The following RAD54L variants were observed in gnomAD, a reference collection of about 807,000 sequenced individuals.
The protein encoded by RAD54L is DNA repair and recombination protein RAD54-like.
In RAD54L, 74 loss-of-function variants were observed where a neutral mutation model predicts 91.6. That is an observed-to-expected ratio of 0.81 (90% CI 0.67 to 0.98). The LOEUF (loss-of-function observed/expected upper bound fraction) is 0.98, where lower values mean the gene tolerates loss of function less well. Ranked by LOEUF, RAD54L falls within the 50% of genes least tolerant of loss-of-function variation. The pLI is 0.00. For synonymous variants in RAD54L, 304 were observed against 349.7 expected, an observed-to-expected ratio of 0.87 and a Z score of 1.46; for missense variants, 887 against 945.7, an observed-to-expected ratio of 0.94 and a Z score of 0.81.
chr1:46,260,634 A>G, intron 6 of RAD54L, 23 bp downstream of exon 6: 9 of 1,613,824 alleles, frequency 5.6e-6, no homozygotes, highest in Non-Finnish European at 7.6e-6. Flanking sequence ...GAGGGGAACG[A>G]GGTATGGGCT....
chr1:46,266,506 T>C (rs942989918), intron 8 of RAD54L, among the ~76,000 whole-genome samples: 4 of 152,196 alleles, frequency 2.6e-5, no homozygotes, highest in Admixed American at 2.6e-4. Flanking sequence ...AGGTTGTCCT[T>C]TATGATTTTC....
intron 9 of RAD54L, among the ~76,000 whole-genome samples, chr1:46,269,014 A>G (rs764574515): frequency 3.9e-5 from 6 of 152,044 alleles, no homozygotes; most frequent in Non-Finnish European, 8.8e-5. Flanking sequence ...ATTCTCTTGT[A>G]TCAGCCTCCC....
intron 4 of RAD54L, among the ~76,000 whole-genome samples, chr1:46,258,964 G>T (rs958836691): frequency 1.3e-5 from 2 of 152,136 alleles, no homozygotes; most frequent in African/African-American, 4.8e-5. Context: ...CTTGGTAGAG[G>T]TGTCCCGGTG....
chr1:46,272,635 G>A (rs28363236), intron 11 of RAD54L, 37 bp from the exon 12 acceptor site: 3 of 1,614,010 alleles, frequency 1.9e-6, no homozygotes, highest in South Asian at 1.1e-5. Context: ...CAGGAGGGTG[G>A]TCTAGCTTTT....
rs1268776792 is a variant in RAD54L at position 46,248,079 on chromosome 1, C to G, written c.-327C>G. 1 of 393,564 alleles carries G rather than the reference C, an allele frequency of 2.5e-6. No homozygotes were observed. The highest frequency in any genetic ancestry group is 4.8e-6 in the Non-Finnish European group (1 of 209,408). 24.4% of individuals were successfully genotyped at this position (393,564 alleles called of 1,614,324 possible). On this transcript the variant is annotated 5_prime_UTR_variant, in exon 1 of 18. Transcript: ENST00000371975. Reference sequence around the variant, plus strand: ...CAACTACCTCCTCCCTTCACCCGGACTGGGACCATCATCCCCACTCCACTC... The same window carrying G: ...CAACTACCTCCTCCCTTCACCCGGAGTGGGACCATCATCCCCACTCCACTC...
chr1:46,277,937 C>T lies in RAD54L; in HGVS notation c.1990C>T (p.Leu664=), dbSNP rs1258357444. Residue 664 remains leucine (L), a synonymous_variant, in exon 17 of 18, where the codon CTG becomes TTG. Transcript: ENST00000371975. ...RHFSLGELKE[L]FILDEASLSD... is the part of the protein sequence containing the mutation. ...CTTCTCTCTGGGCGAGTTGAAGGAG[C>T]TGTTTATCCTGGATGAAGCTAGCCT... The T allele has an allele frequency of 6.2e-7, 1 of 1,614,012 alleles. No homozygotes were observed. Among genetic ancestry groups the T allele is most frequent in the Non-Finnish European group, 8.5e-7 (1 of 1,180,052 alleles).
chr1:46,258,234 C>T (rs1339900455), intron 3 of RAD54L, among the ~76,000 whole-genome samples: 1 of 149,434 alleles, frequency 6.7e-6, no homozygotes, highest in Non-Finnish European at 1.5e-5. Flanking sequence ...CATCACTACT[C>T]TTTGATGAGC....
Position 46,278,185 on chromosome 1 carries a change from G to A in RAD54L, c.2147G>A (p.Arg716Gln), listed in dbSNP as rs763700600. 22 of 1,613,616 alleles carry A rather than the reference G, an allele frequency of 1.4e-5. No homozygotes were observed. Among genetic ancestry groups the A allele is most frequent in the Middle Eastern group, 1.6e-4 (1 of 6,084 alleles). Residue 716 changes from arginine (R) to glutamine (Q), a missense_variant, in exon 18 of 18, where the codon CGG becomes CAG. By Grantham distance (43) the Arg-to-Gln change is conservative. Transcript: ENST00000371975. ...WNHCTDKWGL[R>Q]DEVLQAAWDA... ...CACTGCACTGATAAGTGGGGGCTCC[G>A]GGATGAGGTACTCCAGGCTGCCTGG...
At chr1:46,260,410 C>G in intron 5 of RAD54L, 132 bp from the exon 6 acceptor site, 2 of 1,009,990 alleles carry the variant, frequency 2.0e-6, no homozygotes, top group Non-Finnish European at 3.1e-6. Context: ...TATGGTTTTA[C>G]GATTTATCAG....
At chr1:46,272,595 T>C (rs547524224) in intron 11 of RAD54L, 55 bp downstream of exon 11, 20 of 1,610,094 alleles carry the variant, frequency 1.2e-5, no homozygotes, top group Non-Finnish European at 1.5e-5. Context: ...TCCTGAAGCA[T>C]GGCTGGGCTC....
At chr1:46,275,525 CA>C (rs969844090) in intron 16 of RAD54L, among the ~76,000 whole-genome samples, 1 of 152,182 alleles carries the variant, frequency 6.6e-6, no homozygotes, top group African/African-American at 2.4e-5. Context: ...ACTCTTTTCC[CA>C]ATACCCATTC....
intron 2 of RAD54L, 147 bp from the exon 3 acceptor site, chr1:46,249,853 T>C (rs1013670004): frequency 2.4e-6 from 2 of 845,926 alleles, no homozygotes; most frequent in Non-Finnish European, 3.9e-6. Flanking sequence ...CTCTACATAA[T>C]AGAGTTGCTA....
intron 8 of RAD54L, among the ~76,000 whole-genome samples, chr1:46,264,225 G>A (rs1444306228): frequency 2.0e-5 from 3 of 152,118 alleles, no homozygotes; most frequent in African/African-American, 7.2e-5. Flanking sequence ...CTTTCTACTT[G>A]TTTACCTTTT....
At chr1:46,269,921 G>C (rs1660373035) in intron 9 of RAD54L, among the ~76,000 whole-genome samples, 1 of 151,840 alleles carries the variant, frequency 6.6e-6, no homozygotes, top group East Asian at 1.9e-4. Flanking sequence ...TGGGCAACAT[G>C]GCAAAATCCC....
intron 3 of RAD54L, among the ~76,000 whole-genome samples, chr1:46,256,145 G>A (rs1169452433): frequency 3.3e-5 from 5 of 150,712 alleles, no homozygotes; most frequent in Admixed American, 1.3e-4. Context: ...TGGTGTAGTT[G>A]TAGCTCACTG....
rs1659701155 is a variant in RAD54L at position 46,248,218 on chromosome 1, C to A, written c.-188C>A. ...GGCTTATTGGGGACGGCCACTCTCA[C>A]AGTTTGGTTCCAAACACCAGTTCCT... On this transcript the variant is annotated 5_prime_UTR_variant, in exon 1 of 18. Coordinates refer to ENST00000371975, the MANE Select transcript of RAD54L (RefSeq NM_003579.4). 1 of 742,976 alleles carries A rather than the reference C, an allele frequency of 1.3e-6. No individual in the cohort carries two copies. 46.0% of individuals were successfully genotyped at this position (742,976 alleles called of 1,614,324 possible).
chr1:46,250,019 C>G lies in RAD54L; in HGVS notation c.110C>G (p.Ser37Cys). 6.2e-7 allele frequency: 1 copy of G among 1,614,098 alleles called. No homozygotes were observed. Among genetic ancestry groups the G allele is most frequent in the Non-Finnish European group, 8.5e-7 (1 of 1,179,950 alleles). ...PGLVTPRKRK[S>C]SSETQIQECF... ...TCCTAGACTCCTAGGAAACGGAAATCCAGCAGTGAGACCCAGATCCAGGAG... is the reference window on the plus strand; with the variant it reads ...TCCTAGACTCCTAGGAAACGGAAATGCAGCAGTGAGACCCAGATCCAGGAG... Residue 37 changes from serine (S) to cysteine (C), a missense_variant, in exon 3 of 18, where the codon TCC becomes TGC. Coordinates refer to ENST00000371975, the MANE Select transcript of RAD54L (RefSeq NM_003579.4).
At chr1:46,267,776 C>A in intron 9 of RAD54L, 167 bp downstream of exon 9, 2 of 957,802 alleles carry the variant, frequency 2.1e-6, no homozygotes, top group African/African-American at 1.6e-5. Flanking sequence ...CATTGGGAGG[C>A]CTTGGATCTG....
intron 8 of RAD54L, among the ~76,000 whole-genome samples, chr1:46,262,583 A>G (rs1660161004): frequency 6.6e-6 from 1 of 152,080 alleles, no homozygotes; most frequent in South Asian, 2.1e-4. Flanking sequence ...TTAAGTAAAT[A>G]AAGAGTAGAG....
Sources: gnomAD v4.1 joint callset for allele counts (sites outside exome capture counted in the v4.1 genomes callset) on GRCh38, gnomAD v4.1.1 for gene constraint, MANE v1.5 for transcripts, NCBI Gene and HGNC (gene_info 2026-07-23, HGNC 2026-07-21) for gene names.